MCM9: variants seen among roughly 807,000 people sequenced by gnomAD.
MCM9 encodes DNA helicase MCM9.
Under a neutral mutation model 72.8 loss-of-function variants are expected in MCM9, and 55 were observed. The observed-to-expected ratio is 0.76, with a 90% CI of 0.61 to 0.95. The LOEUF is 0.95. MCM9 is among the 40% of genes least tolerant of loss of function. The pLI, the probability that MCM9 is intolerant of heterozygous loss-of-function variation, is 0.00. For synonymous variants in MCM9, 480 were observed against 503.4 expected (o/e 0.95, Z 0.62); for missense variants, 1,279 against 1,377.0 (o/e 0.93, Z 1.13).
intron 9 of MCM9, among the ~76,000 whole-genome samples, chr6:118,852,592 C>T (rs1447958385): frequency 6.6e-6 from 1 of 152,172 alleles, no homozygotes; most frequent in East Asian, 1.9e-4. Context: ...GTGAACTTGC[C>T]ACTCATACAC....
At chr6:118,914,955 T>C (rs1046801968) in intron 6 of MCM9, among the ~76,000 whole-genome samples, 15 of 152,198 alleles carry the variant, frequency 9.9e-5, no homozygotes, top group Admixed American at 8.5e-4. Context: ...CAAGACAGAA[T>C]TGTTGAGAAT....
chr6:118,839,218 C>G (rs529794191), intron 9 of MCM9, among the ~76,000 whole-genome samples: 1 of 151,808 alleles, frequency 6.6e-6, no homozygotes, highest in African/African-American at 2.4e-5. Context: ...ATCAATTCAG[C>G]CATTGATACT....
At position 118,815,809 on chromosome 6, in the gene MCM9, T is replaced by G. The variant is rs1190962146; in HGVS notation, c.2447A>C (p.Glu816Ala). The G allele has an allele frequency of 1.8e-5, 27 of 1,539,142 alleles. No homozygotes were observed. Among genetic ancestry groups the G allele is most frequent in the Non-Finnish European group, 2.4e-5 (27 of 1,147,030 alleles). The change falls in exon 14 of 14, where the codon GAA (glutamate) becomes GCA (alanine). Residue 816 changes from glutamate (E) to alanine (A), a missense_variant. Glu to Ala is a moderately radical substitution (Grantham distance 107). Transcript: ENST00000619706. ...TGVPWRADNV[E>A]SNKKKRLALD... is the part of the protein sequence containing the mutation. ...TGCTAGCCTTTTTTTCTTGTTACTT[T>G]CCACATTGTCTGCCCTCCATGGAAC...
Position 118,911,708 on chromosome 6 carries a change from A to G in MCM9, c.1092T>C (p.Tyr364=), listed in dbSNP as rs749611508. The change falls in exon 8 of 14, where the codon TAT becomes TAC. Residue 364 remains tyrosine, a synonymous_variant. Transcript: ENST00000619706. ...CAGATCTTGGTGTAATCTTTGCTGCATATTTGAGGAACTGAGATTTCCCTG... is the reference window on the plus strand; with the variant it reads ...CAGATCTTGGTGTAATCTTTGCTGCGTATTTGAGGAACTGAGATTTCCCTG... ...PGTGKSQFLK[Y]AAKITPRSVL... The G allele has an allele frequency of 8.1e-6, 13 of 1,613,846 alleles. No individual in the cohort carries two copies. The highest frequency in any genetic ancestry group is 1.1e-5 in the South Asian group (1 of 91,076).
At chr6:118,926,948 G>A (rs1053645573) in intron 3 of MCM9, among the ~76,000 whole-genome samples, 2 of 151,878 alleles carry the variant, frequency 1.3e-5, no homozygotes, top group South Asian at 2.1e-4. Flanking sequence ...TTTGCTTCTC[G>A]AAATATAAAC....
intron 9 of MCM9, among the ~76,000 whole-genome samples, chr6:118,855,491 T>A (rs1039958751): frequency 7.2e-5 from 11 of 152,170 alleles, no homozygotes; most frequent in Non-Finnish European, 1.3e-4. Context: ...CTTGTATCTT[T>A]TCTGGTGGGC....
intron 8 of MCM9, chr6:118,905,633 TC>T: frequency 1.3e-6 from 2 of 1,576,336 alleles, no homozygotes; most frequent in Non-Finnish European, 1.7e-6. Context: ...GTGTTTCTTT[TC>T]TTTTTAATTT....
At position 118,814,390 on chromosome 6, in the gene MCM9, C is replaced by CAAAAAAAAAAAAA. The variant is rs59630533; in HGVS notation, c.*421_*433dup. The CAAAAAAAAAAAAA allele has an allele frequency of 8.7e-5, 7 of 80,382 alleles. No homozygotes were observed. The highest frequency in any genetic ancestry group is 1.1e-4 in the Non-Finnish European group (4 of 35,032). 5.0% of individuals were successfully genotyped at this position (80,382 alleles called of 1,614,324 possible). A position where few individuals can be genotyped will look rare whatever the true frequency, so the allele number is the denominator to read the frequency against. On this transcript the variant is annotated 3_prime_UTR_variant, in exon 14 of 14. Coordinates refer to ENST00000619706, the MANE Select transcript of MCM9 (RefSeq NM_017696.3). ...ACTTAGCCCATTCCAGGTGAAAATA[C>CAAAAAAAAAAAAA]AAAAAAAAAAAAAAAAAGTAGAAAA...
At chr6:118,899,381 T>C (rs1163182656) in intron 8 of MCM9, among the ~76,000 whole-genome samples, 1 of 152,182 alleles carries the variant, frequency 6.6e-6, no homozygotes, top group East Asian at 1.9e-4. Context: ...TCCTCCTTCC[T>C]TTCATTCTGC....
At chr6:118,900,680 G>A (rs1025126735) in intron 8 of MCM9, 2 of 941,488 alleles carry the variant, frequency 2.1e-6, no homozygotes, top group East Asian at 4.8e-5. Context: ...CCAGTAAGTG[G>A]CTAAGTGGAC....
intron 9 of MCM9, among the ~76,000 whole-genome samples, chr6:118,840,738 C>T (rs564389402): frequency 3.8e-5 from 4 of 104,978 alleles, no homozygotes; most frequent in Non-Finnish European, 7.4e-5. Flanking sequence ...CTCCTCCCCC[C>T]CCCCTTTTTT....
intron 9 of MCM9, among the ~76,000 whole-genome samples, chr6:118,833,822 A>C (rs1176425598): frequency 6.6e-6 from 1 of 152,250 alleles, no homozygotes; most frequent in South Asian, 2.1e-4. Context: ...ATAGAGTTTC[A>C]GTTTGCAAGA....
intron 1 of MCM9, among the ~76,000 whole-genome samples, chr6:118,933,522 G>A (rs1032136382): frequency 6.6e-6 from 1 of 150,726 alleles, no homozygotes; most frequent in South Asian, 2.1e-4. Context: ...AAAAAAAAGA[G>A]AGAAACACTT....
intron 6 of MCM9, among the ~76,000 whole-genome samples, chr6:118,916,467 T>TTAC (rs1780968093): frequency 1.6e-5 from 2 of 128,866 alleles, no homozygotes; most frequent in Non-Finnish European, 3.3e-5. Flanking sequence ...ATTATTATTA[T>TTAC]TATTATTATG....
Position 118,813,940 on chromosome 6 carries a change from C to T in MCM9, c.*884G>A, listed in dbSNP as rs911508773. ...ACAGGATCTCACTCTGTCACCCAGG[C>T]TGGAATACAGTGGTGTGACCACAGC... On this transcript the variant is annotated 3_prime_UTR_variant, in exon 14 of 14. Transcript: ENST00000619706. 14 of 152,318 alleles carry T rather than the reference C, an allele frequency of 9.2e-5. No individual in the cohort carries two copies. The highest frequency in any genetic ancestry group is 3.4e-4 in the African/African-American group (14 of 41,574). The allele number at this position is 152,318 out of a possible 1,614,324, so 9.4% of individuals were successfully genotyped here.
At chr6:118,880,220 T>C (rs1443155298) in intron 8 of MCM9, among the ~76,000 whole-genome samples, 1 of 151,912 alleles carries the variant, frequency 6.6e-6, no homozygotes, top group East Asian at 1.9e-4. Context: ...CTGAAAACTC[T>C]CCTATGGAAG....
chr6:118,874,713 T>G (rs1477424034), intron 8 of MCM9, among the ~76,000 whole-genome samples: 1 of 152,250 alleles, frequency 6.6e-6, no homozygotes, highest in Non-Finnish European at 1.5e-5. Flanking sequence ...AAAATACTCA[T>G]GGAACTAATA....
chr6:118,824,660 T>C (rs1774049664), intron 13 of MCM9, among the ~76,000 whole-genome samples: 3 of 152,184 alleles, frequency 2.0e-5, no homozygotes, highest in African/African-American at 4.8e-5. Flanking sequence ...GTCACCAGTA[T>C]AAAGCATTTT....
In MCM9 at chr6:118,819,964, G is replaced by A. The variant is rs143407664; in HGVS notation, c.1962-3670C>T. On this transcript the variant is annotated intron_variant, in intron 13 of 13. Coordinates refer to ENST00000619706, the MANE Select transcript of MCM9 (RefSeq NM_017696.3). ...TTGTATTTCTGTGGGATCAGTTGTGGTATCCCCTTTATCATTTTTTTATTG... is the reference window on the plus strand; with the variant it reads ...TTGTATTTCTGTGGGATCAGTTGTGATATCCCCTTTATCATTTTTTTATTG... 1.8e-3 allele frequency among the ~76,000 whole-genome samples: 278 copies of A among 151,614 alleles called. 1 individual carries two copies. Among genetic ancestry groups the A allele is most frequent in the Middle Eastern group, 0.014 (4 of 294 alleles).
Sources: gnomAD v4.1 joint callset for allele counts (sites outside exome capture counted in the v4.1 genomes callset) on GRCh38, gnomAD v4.1.1 for gene constraint, MANE v1.5 for transcripts, NCBI Gene and HGNC (gene_info 2026-07-23, HGNC 2026-07-21) for gene names.